The following WWTR1 variants were observed in gnomAD, a reference collection of about 807,000 sequenced individuals.
WWTR1 encodes WW domain containing transcription regulator 1, also known as WW domain-containing transcription regulator protein 1.
WWTR1 carries 13 observed loss-of-function variants against 40.1 expected under a neutral mutation model. That is an observed-to-expected ratio of 0.32 (90% CI 0.21 to 0.52). The LOEUF (loss-of-function observed/expected upper bound fraction) is 0.52. WWTR1 is among the 20% of genes least tolerant of loss of function. The pLI is 0.97. For missense variants in WWTR1, 436 were observed against 523.1 expected (o/e 0.83, Z 1.63); for synonymous variants, 230 against 210.1 (o/e 1.09, Z -0.82).
chr3:149,573,090 T>G, intron 2 of WWTR1, 90 bp from the exon 3 acceptor site: 3 of 1,340,106 alleles, frequency 2.2e-6, no homozygotes, highest in Non-Finnish European at 3.1e-6. Flanking sequence ...ATGACACTAA[T>G]TCTTCCCTTA....
intron 3 of WWTR1, among the ~76,000 whole-genome samples, chr3:149,567,432 C>T (rs772668609): frequency 2.0e-5 from 3 of 152,180 alleles, no homozygotes; most frequent in Non-Finnish European, 4.4e-5. Context: ...TCCTCTTCAT[C>T]TTCTCACAAT....
At chr3:149,686,074 C>G (rs1714635658) in intron 1 of WWTR1, among the ~76,000 whole-genome samples, 1 of 152,126 alleles carries the variant, frequency 6.6e-6, no homozygotes, top group African/African-American at 2.4e-5. Flanking sequence ...TAACAGAAAG[C>G]CCTATCTCAG....
At chr3:149,600,074 A>G (rs1185751854) in intron 2 of WWTR1, among the ~76,000 whole-genome samples, 1 of 152,242 alleles carries the variant, frequency 6.6e-6, no homozygotes, top group Non-Finnish European at 1.5e-5. Flanking sequence ...GATTTAAAGT[A>G]TAAGAGAGGA....
rs1713352216 is a variant in WWTR1, at chr3:149,657,882, G to A, written c.-121C>T. 1 of 153,246 alleles carries A rather than the reference G, an allele frequency of 6.5e-6. No homozygotes were observed. Among genetic ancestry groups the A allele is most frequent in the Admixed American group, 6.5e-5 (1 of 15,358 alleles). 9.5% of individuals were successfully genotyped at this position (153,246 alleles called of 1,614,324 possible). A position where few individuals can be genotyped will look rare whatever the true frequency, so the allele number is the denominator to read the frequency against. The stretch of plus-strand genomic sequence containing the variant: ...GATTGCGGAGCTGGAGCCGAGGCTT[G>A]GCTGACAAATCCCGACCCGACTCTG... On this transcript the variant is annotated 5_prime_UTR_variant, in exon 1 of 7. Transcript: ENST00000360632.
At chr3:149,568,610 C>T (rs1401460208) in intron 3 of WWTR1, among the ~76,000 whole-genome samples, 1 of 138,592 alleles carries the variant, frequency 7.2e-6, no homozygotes, top group Non-Finnish European at 1.5e-5. Context: ...TTTACTTAGA[C>T]TCAGTGTTCA....
intron 3 of WWTR1, among the ~76,000 whole-genome samples, chr3:149,555,454 G>C (rs1273416984): frequency 6.6e-6 from 1 of 151,626 alleles, no homozygotes; most frequent in African/African-American, 2.4e-5. Flanking sequence ...GTGTGGTTTA[G>C]GTGCTTTGCA....
At chr3:149,585,294 G>A (rs1317253613) in intron 2 of WWTR1, among the ~76,000 whole-genome samples, 2 of 152,090 alleles carry the variant, frequency 1.3e-5, no homozygotes, top group African/African-American at 2.4e-5. Flanking sequence ...CACTACGCCA[G>A]GCTAATTTTT....
intron 3 of WWTR1, among the ~76,000 whole-genome samples, chr3:149,547,623 A>G (rs1156648566): frequency 1.3e-5 from 2 of 152,154 alleles, no homozygotes; most frequent in African/African-American, 4.8e-5. Flanking sequence ...CAAAAAGGCT[A>G]AAGACCTCGT....
At chr3:149,578,599 T>C (rs1170710550) in intron 2 of WWTR1, among the ~76,000 whole-genome samples, 3 of 152,178 alleles carry the variant, frequency 2.0e-5, no homozygotes, top group African/African-American at 7.2e-5. Context: ...ATAAAAATCT[T>C]ATCTGTAAAA....
At chr3:149,571,631 T>G (rs896068965) in intron 3 of WWTR1, among the ~76,000 whole-genome samples, 2 of 152,216 alleles carry the variant, frequency 1.3e-5, no homozygotes, top group Non-Finnish European at 1.5e-5. Flanking sequence ...TGAAGCTGAC[T>G]AGGGTCTACT....
At chr3:149,521,148 T>C (rs1735026783) in intron 6 of WWTR1, among the ~76,000 whole-genome samples, 159 bp from the exon 7 acceptor site, 1 of 152,152 alleles carries the variant, frequency 6.6e-6, no homozygotes, top group Non-Finnish European at 1.5e-5. Flanking sequence ...AAATCGAAAA[T>C]TATTTCTGGA....
chr3:149,689,846 C>T (rs1172684772), intron 1 of WWTR1, among the ~76,000 whole-genome samples: 1 of 152,094 alleles, frequency 6.6e-6, no homozygotes, highest in Non-Finnish European at 1.5e-5. Context: ...GGTGTATAAA[C>T]TACTCATATC....
chr3:149,525,933 G>A, intron 6 of WWTR1, 80 bp downstream of exon 6: 2 of 805,448 alleles, frequency 2.5e-6, no homozygotes, highest in Non-Finnish European at 1.8e-6. Flanking sequence ...TAAAATAAAA[G>A]AAAAATAAAA....
chr3:149,671,281 A>G (rs1418385383), intron 1 of WWTR1, among the ~76,000 whole-genome samples: 3 of 152,192 alleles, frequency 2.0e-5, no homozygotes, highest in Admixed American at 6.5e-5. Context: ...ACTCCTGACA[A>G]GCAAGGACAT....
chr3:149,542,488 C>A lies in WWTR1; in HGVS notation c.618G>T (p.Gln206His). 1 of 1,613,954 alleles carries A rather than the reference C, an allele frequency of 6.2e-7. No individual in the cohort carries two copies. Among genetic ancestry groups the A allele is most frequent in the Non-Finnish European group, 8.5e-7 (1 of 1,179,900 alleles). ...GTGGGTTCTGAGTGGGGTGGTTCTG[C>A]TGGCTCAGGGTACTGGGGGCCATCT... ...QQQMAPSTLS[Q>H]QNHPTQNPPA... Residue 206 changes from glutamine (Q) to histidine (H), a missense_variant, in exon 4 of 7, where the codon CAG (glutamine) becomes CAT (histidine). Gln to His is a conservative substitution (Grantham distance 24). Coordinates refer to ENST00000360632, the MANE Select transcript of WWTR1 (RefSeq NM_015472.6).
rs188632782 is a variant in WWTR1, at chr3:149,623,248, A to G, written c.431+33628T>C. On this transcript the variant is annotated intron_variant, in intron 2 of 6. Transcript: ENST00000360632. ...TGTTGTGGTGCACGCCTGTAATCCC[A>G]GCTACTCAGGAGGCTGAGGCAGGAG... Among the ~76,000 whole-genome samples the G allele has an allele frequency of 4.2e-3, 641 of 152,326 alleles. 4 individuals are homozygous for G. The highest frequency in any genetic ancestry group is 6.8e-3 in the South Asian group (33 of 4,830).
At chr3:149,680,560 C>T (rs562536428) in intron 1 of WWTR1, among the ~76,000 whole-genome samples, 2 of 131,956 alleles carry the variant, frequency 1.5e-5, no homozygotes, top group Admixed American at 1.6e-4. Flanking sequence ...AACCAACCAA[C>T]CAAACAAACA....
intron 2 of WWTR1, among the ~76,000 whole-genome samples, chr3:149,650,956 T>G (rs535764979): frequency 4.6e-5 from 7 of 152,200 alleles, no homozygotes; most frequent in Non-Finnish European, 1.0e-4. Flanking sequence ...CTGCTTCTGA[T>G]TTTGGCTGGG....
rs193214463 is a variant in WWTR1, at chr3:149,642,455, A to C, written c.431+14421T>G. On this transcript the variant is annotated intron_variant, in intron 2 of 6. Coordinates refer to ENST00000360632, the MANE Select transcript of WWTR1 (RefSeq NM_015472.6). ...CACACACACGAAAGTACGAATACCCAAATATAAGTTGGATGATATAATTTT... is the reference window on the plus strand; with the variant it reads ...CACACACACGAAAGTACGAATACCCCAATATAAGTTGGATGATATAATTTT... Among the ~76,000 whole-genome samples, 112 of 151,236 alleles carry C rather than the reference A, an allele frequency of 7.4e-4. 1 individual carries two copies. Among genetic ancestry groups the C allele is most frequent in the East Asian group, 7.1e-3 (36 of 5,096 alleles).
Sources: gnomAD v4.1 joint callset for allele counts (sites outside exome capture counted in the v4.1 genomes callset) on GRCh38, gnomAD v4.1.1 for gene constraint, MANE v1.5 for transcripts, NCBI Gene and HGNC (gene_info 2026-07-23, HGNC 2026-07-21) for gene names.